The following C4orf50 variants were observed in gnomAD, a reference collection of about 807,000 sequenced individuals.
C4orf50 encodes the protein uncharacterized protein C4orf50.
A neutral mutation model predicts 77.2 loss-of-function variants in C4orf50; 80 were observed. The observed-to-expected ratio is 1.04, with a 90% CI of 0.87 to 1.25. The LOEUF is 1.25. C4orf50 is among the 50% of genes most tolerant of loss of function. The probability of loss-of-function intolerance (pLI) is 0.00; values close to 1 mark genes in which losing one functional copy is unlikely to be tolerated. For missense variants in C4orf50, 1,257 were observed against 1,152.9 expected (o/e 1.09, Z -1.31); for synonymous variants, 532 against 465.3 (o/e 1.14, Z -1.84).
intron 29 of C4orf50, among the ~76,000 whole-genome samples, chr4:5,977,974 AAG>A (rs1560577583): frequency 6.6e-6 from 1 of 152,220 alleles, no homozygotes; most frequent in South Asian, 2.1e-4. Context: ...ACTCAACAAA[AAG>A]AGAGTCAATT....
chr4:6,005,281 A>T (rs1181549075), intron 25 of C4orf50, among the ~76,000 whole-genome samples: 1 of 152,190 alleles, frequency 6.6e-6, no homozygotes, highest in East Asian at 1.9e-4. Context: ...TGGGCAATTT[A>T]GGGAGCTTTC....
chr4:5,945,977 G>A (rs555217729), intron 7 of C4orf50, among the ~76,000 whole-genome samples: 2 of 152,306 alleles, frequency 1.3e-5, no homozygotes, highest in South Asian at 2.1e-4. Context: ...CAAGGAGAAG[G>A]CTGGAGAAAG....
At chr4:5,953,110 C>A (rs866049905), downstream of C4orf50, among the ~76,000 whole-genome samples, 4 of 152,082 alleles carry the variant, frequency 2.6e-5, no homozygotes, top group Non-Finnish European at 4.4e-5. Flanking sequence ...TCTTCCTCCT[C>A]CTGCCATAGC....
At chr4:6,006,175 G>A (rs1005194012) in intron 25 of C4orf50, among the ~76,000 whole-genome samples, 4 of 152,204 alleles carry the variant, frequency 2.6e-5, no homozygotes, top group South Asian at 2.1e-4. Context: ...CGATGAAGCC[G>A]TTAATACATT....
chr4:5,991,617 C>T (rs1021289285), intron 27 of C4orf50, among the ~76,000 whole-genome samples: 3 of 152,178 alleles, frequency 2.0e-5, no homozygotes, highest in African/African-American at 7.2e-5. Context: ...TTGAGCTAGG[C>T]TCACTGTGAG....
In C4orf50 at chr4:5,905,544, G is replaced by A. The variant is rs565503668; in HGVS notation, c.*2475-7356C>T. Reference sequence around the variant, plus strand: ...GCCATCCACATGCACACACCTTTACGTCACTGGGAGACCCACTTTAAACAC... The same window carrying A: ...GCCATCCACATGCACACACCTTTACATCACTGGGAGACCCACTTTAAACAC... On this transcript the variant is annotated intron_variant, in intron 7 of 7. Coordinates refer to the C4orf50 transcript ENST00000324058. The surrounding 1 kb of genome is among the most constrained non-coding windows in gnomAD (Gnocchi z 5.4). 5 of 152,288 alleles carry A rather than the reference G, an allele frequency of 3.3e-5. No individual in the cohort carries two copies. Among genetic ancestry groups the A allele is most frequent in the East Asian group, 3.9e-4 (2 of 5,188 alleles). The allele number at this position is 152,288 out of a possible 1,614,324, so 9.4% of individuals were successfully genotyped here. A position where few individuals can be genotyped will look rare whatever the true frequency, so the allele number is the denominator to read the frequency against.
rs1331680503 is a variant in C4orf50 at position 5,901,488 on chromosome 4, T to G, written c.*2475-3300A>C. On this transcript the variant is annotated intron_variant, in intron 7 of 7. Coordinates refer to the C4orf50 transcript ENST00000324058. The surrounding 1 kb of genome is among the most constrained non-coding windows in gnomAD (Gnocchi z 4.4). The stretch of plus-strand genomic sequence containing the variant: ...TATTCTGGTCTTAAACCCTAACCTG[T>G]TTCTCCTACATCGGGTGGTCTCTGT... 1 of 152,230 alleles carries G rather than the reference T, an allele frequency of 6.6e-6. No homozygotes were observed. Among genetic ancestry groups the G allele is most frequent in the Non-Finnish European group, 1.5e-5 (1 of 68,050 alleles). 9.4% of individuals were successfully genotyped at this position (152,230 alleles called of 1,614,324 possible).
chr4:5,955,008 G>C (rs1418014646), downstream of C4orf50, among the ~76,000 whole-genome samples: 1 of 152,106 alleles, frequency 6.6e-6, no homozygotes, highest in South Asian at 2.1e-4. This position sits in a 1 kb window ranked among gnomAD's most constrained non-coding sequence, Gnocchi z 5.1. Flanking sequence ...GCCTGAAACA[G>C]CAGCCTTGCT....
At chr4:5,945,149 G>C (rs1281095466) in intron 7 of C4orf50, among the ~76,000 whole-genome samples, 1 of 152,204 alleles carries the variant, frequency 6.6e-6, no homozygotes. Flanking sequence ...CCTGGGAGGA[G>C]GAAGCTCCAG....
At chr4:5,940,752 C>T (rs114597223) in intron 7 of C4orf50, among the ~76,000 whole-genome samples, 3,499 of 152,286 alleles carry the variant, frequency 0.023, 50 homozygotes, top group South Asian at 0.034. Context: ...GCAGAAGTGA[C>T]GCCGTGGGAG....
chr4:5,990,010 T>C, exon 28 of C4orf50: 1 of 1,396,974 alleles, frequency 7.2e-7, no homozygotes, highest in African/African-American at 1.4e-5. Flanking sequence ...CCATGGCTCT[T>C]TGGTCTCATG....
rs1160504224 is a variant in C4orf50, at chr4:5,970,187, G to A, written c.4105-2725C>T. ...GGCCCACTGGGGCTAGGGGTCGGGG[G>A]GCATAGAGAGGAAGCAAAACAGGCC... is the stretch of plus-strand genomic sequence containing the variant. On this transcript the variant is annotated intron_variant, in intron 31 of 33. Coordinates refer to ENST00000531445, the Ensembl canonical transcript of C4orf50. This position sits in a 1 kb window ranked among gnomAD's most constrained non-coding sequence, Gnocchi z 4.3. Among the ~76,000 whole-genome samples the A allele has an allele frequency of 6.6e-6, 1 of 151,942 alleles. No homozygotes were observed. The highest frequency in any genetic ancestry group is 1.5e-5 in the Non-Finnish European group (1 of 67,958).
chr4:5,941,743 G>A (rs879311396), intron 7 of C4orf50, among the ~76,000 whole-genome samples: 6 of 152,076 alleles, frequency 3.9e-5, no homozygotes, highest in African/African-American at 9.7e-5. Context: ...CCCATTGTAC[G>A]GAGGAGGCTG....
Position 5,998,662 on chromosome 4 carries a change from T to C in C4orf50, c.964-4186A>G, listed in dbSNP as rs114203234. On this transcript the variant is annotated intron_variant, in intron 25 of 33. Transcript: ENST00000531445. Reference sequence around the variant, plus strand: ...CTTTTCATCTCTCTGCACGAGCATCTCTGGGACCCTCCAGGCCAGGCACAG... The same window carrying C: ...CTTTTCATCTCTCTGCACGAGCATCCCTGGGACCCTCCAGGCCAGGCACAG... 3.5e-3 allele frequency among the ~76,000 whole-genome samples: 529 copies of C among 152,320 alleles called. 3 individuals carry two copies. The highest frequency in any genetic ancestry group is 0.012 in the African/African-American group (514 of 41,554).
intron 28 of C4orf50, among the ~76,000 whole-genome samples, chr4:5,982,710 TTGGGAGGAGACACACATGAGC>T (rs1265314542): frequency 2.6e-5 from 4 of 150,960 alleles, no homozygotes; most frequent in Non-Finnish European, 5.9e-5. Context: ...GAAGGCAGAG[TTGGGAGGAGACACACATGAGC>T]TGGGAGGAGA....
At chr4:5,979,151 T>A (rs1013300535) in intron 29 of C4orf50, among the ~76,000 whole-genome samples, 1 of 152,248 alleles carries the variant, frequency 6.6e-6, no homozygotes, top group Non-Finnish European at 1.5e-5. Context: ...CCATTACCTA[T>A]CACAGTTAAT....
chr4:5,939,849 C>T (rs1328816639), intron 7 of C4orf50, among the ~76,000 whole-genome samples: 2 of 152,186 alleles, frequency 1.3e-5, no homozygotes, highest in Admixed American at 6.5e-5. Context: ...CTCCTTTAGT[C>T]TTCACTGCTT....
At chr4:6,002,480 G>A (rs1433557677) in intron 25 of C4orf50, among the ~76,000 whole-genome samples, 1 of 152,214 alleles carries the variant, frequency 6.6e-6, no homozygotes, top group Non-Finnish European at 1.5e-5. Flanking sequence ...GTTTCCTCAA[G>A]GCCCAACCTG....
chr4:5,983,088 T>C (rs546515188), intron 28 of C4orf50, among the ~76,000 whole-genome samples: 50 of 152,312 alleles, frequency 3.3e-4, no homozygotes, highest in African/African-American at 1.2e-3. Context: ...CCAAGTCCCG[T>C]GGACTCCAGC....
Sources: allele counts gnomAD v4.1 joint callset (sites outside exome capture counted in the v4.1 genomes callset), GRCh38; gene constraint gnomAD v4.1.1; non-coding constraint Gnocchi (gnomAD v3.1); transcripts MANE v1.5; gene names NCBI Gene and HGNC (gene_info 2026-07-23, HGNC 2026-07-21).